SRD5A1: variants seen among roughly 807,000 people sequenced by gnomAD.
SRD5A1 encodes steroid 5 alpha-reductase 1.
In SRD5A1, 22 loss-of-function variants were observed where a neutral mutation model predicts 28.2. That is an observed-to-expected ratio of 0.78 (90% CI 0.56 to 1.12). The LOEUF (loss-of-function observed/expected upper bound fraction) is 1.12, where lower values mean the gene tolerates loss of function less well. Among genes scored for constraint, SRD5A1 ranks in the 50% most tolerant of loss-of-function variants. The pLI, the probability that SRD5A1 is intolerant of heterozygous loss-of-function variation, is 0.00. For missense variants in SRD5A1, 300 were observed against 346.7 expected, an observed-to-expected ratio of 0.87 and a Z score of 1.07; for synonymous variants, 151 against 135.0, an observed-to-expected ratio of 1.12 and a Z score of -0.82.
At chr5:6,633,924 G>A (rs1738081401) in intron 1 of SRD5A1, 55 bp downstream of exon 1, 1 of 1,573,972 alleles carries the variant, frequency 6.4e-7, no homozygotes, top group Non-Finnish European at 8.6e-7. Flanking sequence ...CGTCCTCTCC[G>A]ACCCTCCCCT....
intron 2 of SRD5A1, among the ~76,000 whole-genome samples, chr5:6,655,750 G>GCTGA (rs1430129045): frequency 6.6e-6 from 1 of 152,202 alleles, no homozygotes; most frequent in East Asian, 1.9e-4. Context: ...TGTCTGGTGG[G>GCTGA]CTGACTCCCT....
intron 1 of SRD5A1, among the ~76,000 whole-genome samples, chr5:6,636,494 A>G (rs1405693017): frequency 1.3e-5 from 2 of 152,140 alleles, no homozygotes; most frequent in Admixed American, 6.5e-5. Context: ...CTGACCTGTG[A>G]GGTTTCGCTG....
rs575957873 is a variant in SRD5A1 at position 6,671,405 on chromosome 5, A to G, written c.*3137A>G. 1.4e-5 allele frequency: 2 copies of G among 146,006 alleles called. No homozygotes were observed. Among genetic ancestry groups the G allele is most frequent in the East Asian group, 3.9e-4 (2 of 5,158 alleles). The allele number at this position is 146,006 out of a possible 1,614,324, so 9.0% of individuals were successfully genotyped here. ...GAGTTTGTTGTAGATTCTGGATATT[A>G]GTCCTTTGTCTGATGTATAGATTGT... On this transcript the variant is annotated 3_prime_UTR_variant, in exon 5 of 5. Transcript: ENST00000274192.
At chr5:6,661,274 C>T (rs1383988911) in intron 3 of SRD5A1, among the ~76,000 whole-genome samples, 1 of 151,850 alleles carries the variant, frequency 6.6e-6, no homozygotes, top group African/African-American at 2.4e-5. Flanking sequence ...GGTGTCATGG[C>T]TCACACCTGT....
intron 3 of SRD5A1, among the ~76,000 whole-genome samples, chr5:6,658,395 G>A (rs1738895027): frequency 6.6e-6 from 1 of 152,184 alleles, no homozygotes; most frequent in Non-Finnish European, 1.5e-5. Context: ...AAGAACACCT[G>A]CGACGAACCC....
intron 1 of SRD5A1, among the ~76,000 whole-genome samples, chr5:6,643,669 T>C (rs1489028069): frequency 6.6e-6 from 1 of 152,234 alleles, no homozygotes; most frequent in Non-Finnish European, 1.5e-5. Context: ...AAAAGGCTAA[T>C]TGTGAGAAAC....
chr5:6,654,961 G>A (rs546132992), intron 2 of SRD5A1, among the ~76,000 whole-genome samples: 1 of 152,232 alleles, frequency 6.6e-6, no homozygotes, highest in African/African-American at 2.4e-5. Flanking sequence ...ATAAATGTAT[G>A]GATCCAATAA....
intron 2 of SRD5A1, among the ~76,000 whole-genome samples, chr5:6,655,207 A>T (rs1419104658): frequency 6.6e-6 from 1 of 152,262 alleles, no homozygotes; most frequent in African/African-American, 2.4e-5. Context: ...ACTGAATGCC[A>T]GCACTAAGCA....
Position 6,673,371 on chromosome 5 carries a change from T to C in SRD5A1, c.*5103T>C, listed in dbSNP as rs1018338367. The stretch of plus-strand genomic sequence containing the variant: ...TCATATGACATTAGGGGATTGCAAA[T>C]TGAAACAACAGTACCACCACACACC... On this transcript the variant is annotated 3_prime_UTR_variant, in exon 5 of 5. Transcript: ENST00000274192. 6.6e-6 allele frequency: 1 copy of C among 152,116 alleles called. No individual in the cohort carries two copies. The highest frequency in any genetic ancestry group is 1.5e-5 in the Non-Finnish European group (1 of 68,032). The allele number at this position is 152,116 out of a possible 1,614,324, so 9.4% of individuals were successfully genotyped here.
At chr5:6,658,480 G>A (rs964964842) in intron 3 of SRD5A1, among the ~76,000 whole-genome samples, 14 of 152,120 alleles carry the variant, frequency 9.2e-5, no homozygotes, top group African/African-American at 2.4e-4. Context: ...GCATGTAGCC[G>A]CCTTCCTGAA....
intron 1 of SRD5A1, among the ~76,000 whole-genome samples, chr5:6,641,968 G>T (rs1373989824): frequency 6.6e-6 from 1 of 152,204 alleles, no homozygotes; most frequent in Non-Finnish European, 1.5e-5. Flanking sequence ...GGCTTTTCTG[G>T]AAAGAGCCAG....
rs900834435 is a variant in SRD5A1, at chr5:6,661,065, G to T, written c.563-1751G>T. On this transcript the variant is annotated intron_variant, in intron 3 of 4. Coordinates refer to ENST00000274192, the MANE Select transcript of SRD5A1 (RefSeq NM_001047.4). ...GGATCACACTTCAAGATGAGATTGG[G>T]TGGGGACACAGAATCAAACCATATC... is the stretch of plus-strand genomic sequence containing the variant. Among the ~76,000 whole-genome samples, 4 of 152,118 alleles carry T rather than the reference G, an allele frequency of 2.6e-5. 1 individual carries two copies. The highest frequency in any genetic ancestry group is 1.9e-4 in the East Asian group (1 of 5,188).
At chr5:6,644,290 G>A (rs769433754) in intron 1 of SRD5A1, among the ~76,000 whole-genome samples, 6 of 152,032 alleles carry the variant, frequency 3.9e-5, no homozygotes, top group Non-Finnish European at 5.9e-5. Context: ...CCAGAGGCCC[G>A]ACCTCTTATG....
rs79520456 is a variant in SRD5A1, at chr5:6,640,922, C to T, written c.293+7053C>T. Among the ~76,000 whole-genome samples the T allele has an allele frequency of 2.3e-3, 348 of 152,322 alleles. 3 individuals are homozygous for T. Among genetic ancestry groups the T allele is most frequent in the Non-Finnish European group, 3.7e-3 (255 of 68,028 alleles). ...AATGGTTTCCATCTTAAGGGACTGT[C>T]ACCTTCTTGTTCAATCCTTTATTTT... On this transcript the variant is annotated intron_variant, in intron 1 of 4. Transcript: ENST00000274192.
At chr5:6,663,769 A>G (rs1739080440) in intron 4 of SRD5A1, among the ~76,000 whole-genome samples, 1 of 152,102 alleles carries the variant, frequency 6.6e-6, no homozygotes, top group Admixed American at 6.5e-5. Context: ...CTGAGGTACG[A>G]GAATCCCTTG....
At chr5:6,645,201 C>T in intron 1 of SRD5A1, 1 of 337,026 alleles carries the variant, frequency 3.0e-6, no homozygotes, top group Non-Finnish European at 5.9e-6. Context: ...TATGTGATTA[C>T]TGTCGACGTT....
chr5:6,637,424 C>T (rs1473299367), intron 1 of SRD5A1, among the ~76,000 whole-genome samples: 1 of 152,182 alleles, frequency 6.6e-6, no homozygotes, highest in Admixed American at 6.5e-5. Context: ...TTTGTAAATC[C>T]TGCTTTGCTA....
chr5:6,648,856 G>T (rs182539753), intron 1 of SRD5A1, among the ~76,000 whole-genome samples: 2 of 152,296 alleles, frequency 1.3e-5, no homozygotes, highest in African/African-American at 4.8e-5. Context: ...CTGGCTTTTT[G>T]AATTTTCAGC....
intron 3 of SRD5A1, among the ~76,000 whole-genome samples, chr5:6,661,244 A>G (rs1738989819): frequency 6.6e-6 from 1 of 152,154 alleles, no homozygotes; most frequent in South Asian, 2.1e-4. Context: ...CTTTTTAAAA[A>G]AATAGACCAT....
Sources: allele counts gnomAD v4.1 joint callset (sites outside exome capture counted in the v4.1 genomes callset), GRCh38; gene constraint gnomAD v4.1.1; transcripts MANE v1.5; gene names NCBI Gene and HGNC (gene_info 2026-07-23, HGNC 2026-07-21).